Variants in NOM1 observed in about 807,000 individuals in gnomAD.
NOM1 encodes the protein nucleolar protein with MIF4G domain 1, also known as nucleolar MIF4G domain-containing protein 1.
In NOM1, 58 loss-of-function variants were observed where a neutral mutation model predicts 73.3. That is an observed-to-expected ratio of 0.79 (90% CI 0.64 to 0.99). NOM1 has a LOEUF of 0.99. Ranked by LOEUF, NOM1 falls within the 50% of genes least tolerant of loss-of-function variation. NOM1 has a pLI of 0.00. For synonymous variants in NOM1, 487 were observed against 446.8 expected (o/e 1.09, Z -1.14); for missense variants, 1,226 against 1,131.9 (o/e 1.08, Z -1.19).
intron 9 of NOM1, among the ~76,000 whole-genome samples, chr7:156,968,508 C>G (rs1273714301): frequency 6.6e-6 from 1 of 152,134 alleles, no homozygotes; most frequent in African/African-American, 2.4e-5. Context: ...CGCTGACATT[C>G]AGCTAAGATT....
At chr7:156,953,346 T>C (rs1476278456) in intron 2 of NOM1, among the ~76,000 whole-genome samples, 1 of 152,162 alleles carries the variant, frequency 6.6e-6, no homozygotes, top group African/African-American at 2.4e-5. Flanking sequence ...CAGGCTGGTC[T>C]CAAACTCCCG....
rs529447894 is a variant in NOM1, at chr7:156,949,823, G to C, written c.86G>C (p.Gly29Ala). The C allele has an allele frequency of 2.4e-4, 344 of 1,446,834 alleles. 3 individuals carry two copies. The African/African-American group carries it at 4.1e-3, about 17-fold the overall frequency. 89.6% of individuals were successfully genotyped at this position (1,446,834 alleles called of 1,614,324 possible). ...CGCATGAAGCGCAGAGGCGGGCGCG[G>C]GCCGCGCCGCGGTCCTGCTGGCGGT... Reference protein sequence around the residue: ...VVRMKRRGGRGPRRGPAGGGE... With the variant: ...VVRMKRRGGRAPRRGPAGGGE... Residue 29 changes from glycine (G) to alanine (A), a missense_variant, in exon 1 of 11, where the codon GGG becomes GCG. Coordinates refer to ENST00000275820, the MANE Select transcript of NOM1 (RefSeq NM_138400.2).
Position 156,963,027 on chromosome 7 carries a change from G to A in NOM1, c.1763G>A (p.Gly588Asp), listed in dbSNP as rs147902598. 3.5e-5 allele frequency: 56 copies of A among 1,613,122 alleles called. No homozygotes were observed. Among genetic ancestry groups the A allele is most frequent in the South Asian group, 1.1e-4 (10 of 91,070 alleles). Reference sequence around the variant, plus strand: ...CATCAGGTCCGCAACGCCGGCTCAGGTTCTGAGACGCAGCTTCGCGTCTCC... The same window carrying A: ...CATCAGGTCCGCAACGCCGGCTCAGATTCTGAGACGCAGCTTCGCGTCTCC... Reference protein sequence around the residue: ...QRALVRNAGSGSETQLRVSWD... With the variant: ...QRALVRNAGSDSETQLRVSWD... Residue 588 changes from glycine to aspartate, a missense_variant, in exon 6 of 11, where the codon GGT becomes GAT. Gly to Asp is a moderately conservative substitution (Grantham distance 94). Coordinates refer to ENST00000275820, the MANE Select transcript of NOM1 (RefSeq NM_138400.2).
intron 6 of NOM1, chr7:156,963,407 G>A (rs896740294): frequency 2.5e-5 from 14 of 570,054 alleles, no homozygotes; most frequent in East Asian, 3.1e-5. Context: ...TGAATGGCAC[G>A]GGGCAGGGGA....
chr7:156,959,150 TG>T (rs1270410991), intron 3 of NOM1, among the ~76,000 whole-genome samples: 2 of 151,826 alleles, frequency 1.3e-5, no homozygotes, highest in African/African-American at 4.8e-5. Context: ...TCGCCCAGGC[TG>T]GAGTACAGTG....
At position 156,960,072 on chromosome 7, in the gene NOM1, T is replaced by C; in HGVS notation, c.1530T>C (p.Gly510=). 1.2e-6 allele frequency: 2 copies of C among 1,613,980 alleles called. No homozygotes were observed. Among genetic ancestry groups the C allele is most frequent in the Non-Finnish European group, 1.7e-6 (2 of 1,180,018 alleles). Residue 510 remains glycine (G), a synonymous_variant, in exon 4 of 11, where the codon GGT becomes GGC. Transcript: ENST00000275820. Reference sequence around the variant, plus strand: ...TCTTGTTAATGCTGAAAAACGTGGGTTTTTCATTGAGGAAAGATGATGCTT... The same window carrying C: ...TCTTGTTAATGCTGAAAAACGTGGGCTTTTCATTGAGGAAAGATGATGCTT... ...ELILLMLKNV[G]FSLRKDDALS... is the part of the protein sequence containing the mutation.
In NOM1 at chr7:156,949,879, G is replaced by A. The variant is rs1167949188; in HGVS notation, c.142G>A (p.Ala48Thr). Residue 48 changes from alanine to threonine, a missense_variant, in exon 1 of 11, where the codon GCG becomes ACG. Physicochemically the swap from Ala to Thr is moderately conservative, Grantham distance 58. Transcript: ENST00000275820. ...GAAGGCCCTGAAGAGGCTGAAGCTAGCGGTGGAGGAGTTCGTGCACGCGAC... is the reference window on the plus strand; with the variant it reads ...GAAGGCCCTGAAGAGGCTGAAGCTAACGGTGGAGGAGTTCGTGCACGCGAC... ...GEKALKRLKL[A>T]VEEFVHATSE... The A allele has an allele frequency of 1.3e-6, 2 of 1,529,788 alleles. No homozygotes were observed. Among genetic ancestry groups the A allele is most frequent in the Non-Finnish European group, 1.8e-6 (2 of 1,138,464 alleles). 94.8% of individuals were successfully genotyped at this position (1,529,788 alleles called of 1,614,324 possible). A position where few individuals can be genotyped will look rare whatever the true frequency, so the allele number is the denominator to read the frequency against.
At chr7:156,951,349 T>G (rs11764435) in intron 1 of NOM1, among the ~76,000 whole-genome samples, 28,698 of 151,870 alleles carry the variant, frequency 0.19, 2,859 homozygotes, top group East Asian at 0.29. Context: ...ATCGCGCTAC[T>G]GCACTCTAGC....
chr7:156,966,531 C>T (rs770968267), intron 8 of NOM1, 129 bp downstream of exon 8: 98 of 1,100,630 alleles, frequency 8.9e-5, no homozygotes, highest in Non-Finnish European at 1.1e-4. Context: ...ACCTGGTCCA[C>T]GCTGGCTGCC....
At chr7:156,959,807 G>A in intron 3 of NOM1, 44 bp from the exon 4 acceptor site, 1 of 1,569,140 alleles carries the variant, frequency 6.4e-7, no homozygotes, top group Non-Finnish European at 8.7e-7. Context: ...AGAAAGGAAG[G>A]TTTCTAGGAA....
chr7:156,951,440 C>T (rs1369537803), intron 1 of NOM1, among the ~76,000 whole-genome samples: 2 of 152,268 alleles, frequency 1.3e-5, no homozygotes, highest in Middle Eastern at 3.4e-3. Context: ...CATTCATGGG[C>T]TGTCATCTTG....
At position 156,962,177 on chromosome 7, in the gene NOM1, G is replaced by C. The variant is rs1804881410; in HGVS notation, c.1659G>C (p.Leu553Phe). ...TRIRFMLETM[L>F]ALKNNDMRKI... ...TTCGGTTTATGCTAGAGACGATGTT[G>C]GCCCTGAAGAACAATGACATGCGCA... Residue 553 changes from leucine (L) to phenylalanine (F), a missense_variant, in exon 5 of 11, where the codon TTG becomes TTC. Coordinates refer to ENST00000275820, the MANE Select transcript of NOM1 (RefSeq NM_138400.2). 6.2e-7 allele frequency: 1 copy of C among 1,613,960 alleles called. No homozygotes were observed. Among genetic ancestry groups the C allele is most frequent in the Non-Finnish European group, 8.5e-7 (1 of 1,179,930 alleles).
rs1804658931 is a variant in NOM1 at position 156,954,085 on chromosome 7, C to A, written c.1113-18C>A. ...AATTGGAAACATTGTTGCTCTCTGT[C>A]TTTACAATTCTCTGCAGGTTGAGTG... On this transcript the variant is annotated intron_variant, in intron 2 of 10. Coordinates refer to ENST00000275820, the MANE Select transcript of NOM1 (RefSeq NM_138400.2). The A allele has an allele frequency of 1.9e-6, 3 of 1,590,756 alleles. No individual in the cohort carries two copies. In the South Asian group the frequency reaches 3.5e-5, roughly 18 times the overall value.
rs34176770 is a variant in NOM1 at position 156,954,522 on chromosome 7, C to CTTTTTTTTTTTTT, written c.1308+232_1308+244dup. On this transcript the variant is annotated intron_variant, in intron 3 of 10. Coordinates refer to ENST00000275820, the MANE Select transcript of NOM1 (RefSeq NM_138400.2). ...ACTTTGCTTTTTTGTTCTGTCCATTCTTTTTTTTTTTTTTTTTTTTGAGAC... is the reference window on the plus strand; with the variant it reads ...ACTTTGCTTTTTTGTTCTGTCCATTCTTTTTTTTTTTTTTTTTTTTTTTTTTTTTTTTTGAGAC... Among the ~76,000 whole-genome samples the CTTTTTTTTTTTTT allele has an allele frequency of 1.1e-4, 11 of 101,658 alleles. 1 individual carries two copies. The highest frequency in any genetic ancestry group is 2.4e-4 in the African/African-American group (6 of 25,286). The allele number at this position is 101,658 out of a possible 152,430, so 66.7% of individuals were successfully genotyped here.
At position 156,967,082 on chromosome 7, in the gene NOM1, C is replaced by G. The variant is rs184964803; in HGVS notation, c.2288C>G (p.Ser763Cys). The part of the protein sequence containing the change: ...HLLKTKSLSL[S>C]ILKVVEFSEL... ...TTGAAGACAAAATCGCTTTCCCTTTCCATCTTAAAGGTTCGTGTAACGTGT... is the reference window on the plus strand; with the variant it reads ...TTGAAGACAAAATCGCTTTCCCTTTGCATCTTAAAGGTTCGTGTAACGTGT... The change falls in exon 9 of 11, where the codon TCC becomes TGC. Residue 763 changes from serine (S) to cysteine (C), a missense_variant. Coordinates refer to ENST00000275820, the MANE Select transcript of NOM1 (RefSeq NM_138400.2). The G allele has an allele frequency of 1.2e-6, 2 of 1,613,294 alleles. No homozygotes were observed. Among genetic ancestry groups the G allele is most frequent in the East Asian group, 2.2e-5 (1 of 44,874 alleles).
intron 3 of NOM1, among the ~76,000 whole-genome samples, chr7:156,957,513 C>T (rs1276869093): frequency 6.6e-6 from 1 of 152,114 alleles, no homozygotes; most frequent in Non-Finnish European, 1.5e-5. Flanking sequence ...TGGTGGCTCA[C>T]GCCTGTAATC....
intron 3 of NOM1, among the ~76,000 whole-genome samples, chr7:156,954,641 G>C (rs1162456095): frequency 6.7e-6 from 1 of 150,280 alleles, no homozygotes; most frequent in African/African-American, 2.5e-5. Context: ...AGAGTAGCTG[G>C]AACTGCAGGC....
In NOM1 at chr7:156,969,749, C is replaced by A. The variant is rs772928233; in HGVS notation, c.*46C>A. On this transcript the variant is annotated 3_prime_UTR_variant, in exon 11 of 11. Coordinates refer to ENST00000275820, the MANE Select transcript of NOM1 (RefSeq NM_138400.2). ...GGTGGCCCTTTGACTGTAAAATGTC[C>A]TTGGTAAACCCAAAGGCTTATTCTG... 1.3e-5 allele frequency: 21 copies of A among 1,558,048 alleles called. No homozygotes were observed. The highest frequency in any genetic ancestry group is 1.7e-5 in the Non-Finnish European group (20 of 1,151,284).
intron 4 of NOM1, among the ~76,000 whole-genome samples, chr7:156,960,586 G>A (rs943541337): frequency 5.3e-5 from 8 of 152,132 alleles, no homozygotes; most frequent in East Asian, 3.8e-4. Context: ...GTGTGGAACC[G>A]CGTGTTCCTG....
Sources: allele counts gnomAD v4.1 joint callset (sites outside exome capture counted in the v4.1 genomes callset), GRCh38; gene constraint gnomAD v4.1.1; transcripts MANE v1.5; gene names NCBI Gene and HGNC (gene_info 2026-07-23, HGNC 2026-07-21).